The following SPHKAP variants were observed in gnomAD, a reference collection of about 807,000 sequenced individuals.
The protein encoded by SPHKAP is A-kinase anchor protein SPHKAP.
SPHKAP carries 67 observed loss-of-function variants against 137.5 expected under a neutral mutation model. The ratio of observed to expected loss-of-function variants is 0.49; its 90% CI spans 0.40 to 0.60. The LOEUF (loss-of-function observed/expected upper bound fraction) is 0.60, where lower values mean the gene tolerates loss of function less well. Ranked by LOEUF, SPHKAP falls within the 20% of genes least tolerant of loss-of-function variation. The probability of loss-of-function intolerance (pLI) is 0.00; values close to 1 mark genes in which losing one functional copy is unlikely to be tolerated. For synonymous variants in SPHKAP, 813 were observed against 785.3 expected (o/e 1.04, Z -0.59); for missense variants, 2,097 against 2,069.3 (o/e 1.01, Z -0.26).
chr2:228,055,248 A>G (rs556085291), intron 3 of SPHKAP, among the ~76,000 whole-genome samples: 8 of 152,198 alleles, frequency 5.3e-5, no homozygotes, highest in African/African-American at 1.9e-4. Flanking sequence ...TAGAATGACC[A>G]TGTCAATGAG....
At chr2:228,109,940 A>G (rs1698465024) in intron 2 of SPHKAP, among the ~76,000 whole-genome samples, 1 of 119,000 alleles carries the variant, frequency 8.4e-6, no homozygotes, top group Non-Finnish European at 1.7e-5. Context: ...CTTGGGCAAC[A>G]AGAGTGAAAA....
intron 3 of SPHKAP, among the ~76,000 whole-genome samples, chr2:228,093,859 CAAAAAAAAAAAAA>C (rs11336381): frequency 1.3e-5 from 1 of 77,110 alleles, no homozygotes; most frequent in African/African-American, 5.1e-5. Flanking sequence ...GACTCCGTTT[CAAAAAAAAAAAAA>C]AAAAAAAAAA....
chr2:228,018,263 G>A lies in SPHKAP; in HGVS notation c.2591C>T (p.Thr864Met), dbSNP rs145565567. The change falls in exon 7 of 12, where the codon ACG becomes ATG. Residue 864 changes from threonine to methionine, a missense_variant. Transcript: ENST00000392056. ...GGAACCACTTCTGGACTGGCTGACC[G>A]TTGGGGACCTTTGTCCTTCGGAAGA... The part of the protein sequence containing the change: ...RASSEGQRSP[T>M]VSQSRSGSQE... 1.1e-4 allele frequency: 170 copies of A among 1,614,178 alleles called. No homozygotes were observed. The highest frequency in any genetic ancestry group is 2.8e-4 in the Admixed American group (17 of 60,018).
At chr2:228,059,169 A>G (rs927729914) in intron 3 of SPHKAP, among the ~76,000 whole-genome samples, 4 of 152,204 alleles carry the variant, frequency 2.6e-5, no homozygotes, top group African/African-American at 9.7e-5. Context: ...TGGATGCACC[A>G]TGGTTTGTTT....
intron 1 of SPHKAP, among the ~76,000 whole-genome samples, chr2:228,171,991 G>A (rs1309725349): frequency 6.6e-6 from 1 of 151,914 alleles, no homozygotes; most frequent in East Asian, 1.9e-4. Flanking sequence ...AATAACCTTT[G>A]AAAATCTCTT....
chr2:228,017,185 C>T lies in SPHKAP; in HGVS notation c.3669G>A (p.Leu1223=). The T allele has an allele frequency of 6.2e-7, 1 of 1,613,882 alleles. No homozygotes were observed. The highest frequency in any genetic ancestry group is 1.1e-5 in the South Asian group (1 of 91,046). The change falls in exon 7 of 12, where the codon CTG becomes CTA. Residue 1223 remains leucine (L), a synonymous_variant. Coordinates refer to ENST00000392056, the MANE Select transcript of SPHKAP (RefSeq NM_001142644.2). ...CTGGGGATCGCAGAGAAGGAGACAG[C>T]AGGCCGGCTGTCCAATCCTGGCTGC... ...RRSSQDWTAG[L]LSPSLRSPVC...
chr2:228,016,364 C>A, intron 7 of SPHKAP, 42 bp downstream of exon 7: 2 of 1,511,720 alleles, frequency 1.3e-6, no homozygotes, highest in Non-Finnish European at 1.8e-6. Flanking sequence ...GACGCAAACT[C>A]CAGTCACATG....
chr2:228,057,262 G>A (rs952620184), intron 3 of SPHKAP, among the ~76,000 whole-genome samples: 1 of 152,082 alleles, frequency 6.6e-6, no homozygotes, highest in African/African-American at 2.4e-5. Context: ...TATCTATTAT[G>A]AACTGAAAAT....
chr2:228,126,354 G>A (rs1462752540), intron 2 of SPHKAP, among the ~76,000 whole-genome samples: 2 of 152,160 alleles, frequency 1.3e-5, no homozygotes, highest in African/African-American at 4.8e-5. Flanking sequence ...GATTGAAAGT[G>A]TTTGTTTAGA....
chr2:228,117,872 C>T (rs1449385261), intron 2 of SPHKAP, among the ~76,000 whole-genome samples: 3 of 144,294 alleles, frequency 2.1e-5, no homozygotes, highest in Non-Finnish European at 4.5e-5. Flanking sequence ...AAGAAAATTG[C>T]AAAATTTTAT....
At chr2:228,140,106 G>T (rs914382183) in intron 1 of SPHKAP, among the ~76,000 whole-genome samples, 6 of 151,434 alleles carry the variant, frequency 4.0e-5, no homozygotes, top group Non-Finnish European at 7.4e-5. Context: ...CACCATGCCC[G>T]GCTAATTTTT....
At chr2:228,044,294 ATATT>A in intron 3 of SPHKAP, among the ~76,000 whole-genome samples, 1 of 152,234 alleles carries the variant, frequency 6.6e-6, no homozygotes, top group East Asian at 1.9e-4. Flanking sequence ...AAGTAGAAAA[ATATT>A]TAGAGGATTT....
chr2:228,009,774 T>C (rs1352543521), intron 7 of SPHKAP, among the ~76,000 whole-genome samples: 1 of 151,956 alleles, frequency 6.6e-6, no homozygotes, highest in African/African-American at 2.4e-5. Flanking sequence ...TTAGCCTTTA[T>C]TTTTAGGGCT....
chr2:228,159,618 G>T (rs903219608), intron 1 of SPHKAP, among the ~76,000 whole-genome samples: 1 of 152,156 alleles, frequency 6.6e-6, no homozygotes, highest in African/African-American at 2.4e-5. Flanking sequence ...AAAGGTTAAA[G>T]AAATAACTTA....
intron 11 of SPHKAP, among the ~76,000 whole-genome samples, chr2:227,989,300 G>A (rs1209497767): frequency 1.3e-5 from 2 of 152,132 alleles, no homozygotes; most frequent in Non-Finnish European, 2.9e-5. Flanking sequence ...CTGGGAAATC[G>A]CTCATGTACC....
rs181929759 is a variant in SPHKAP, at chr2:228,061,783, T to A, written c.247-34240A>T. On this transcript the variant is annotated intron_variant, in intron 3 of 11. Transcript: ENST00000392056. ...CACACACATATGTATATATATATAT[T>A]TTGAAAACAACATTAGCTGTGGCCA... 8.0e-4 allele frequency among the ~76,000 whole-genome samples: 122 copies of A among 151,892 alleles called. 2 individuals carry two copies. The East Asian group carries it at 0.02, about 25-fold the overall frequency.
At chr2:228,083,281 T>C (rs1029940108) in intron 3 of SPHKAP, among the ~76,000 whole-genome samples, 1 of 152,252 alleles carries the variant, frequency 6.6e-6, no homozygotes, top group East Asian at 1.9e-4. Context: ...CCAGAATGGC[T>C]GAACTAATTT....
At chr2:228,067,835 G>A (rs570950918) in intron 3 of SPHKAP, among the ~76,000 whole-genome samples, 20 of 152,156 alleles carry the variant, frequency 1.3e-4, no homozygotes, top group African/African-American at 3.1e-4. Context: ...TCCCTATCAC[G>A]TATTCAATGA....
intron 3 of SPHKAP, among the ~76,000 whole-genome samples, chr2:228,047,466 CAAAAAAA>C (rs1229956684): frequency 1.0e-5 from 1 of 99,394 alleles, no homozygotes; most frequent in Non-Finnish European, 2.0e-5. Flanking sequence ...AACTCCATCT[CAAAAAAA>C]AAAAAAAAAC....
Sources: gnomAD v4.1 joint callset for allele counts (sites outside exome capture counted in the v4.1 genomes callset) on GRCh38, gnomAD v4.1.1 for gene constraint, MANE v1.5 for transcripts, NCBI Gene and HGNC (gene_info 2026-07-23, HGNC 2026-07-21) for gene names.